The following STK33 variants were observed in gnomAD, a reference collection of about 807,000 sequenced individuals.
The protein encoded by STK33 is serine/threonine-protein kinase 33.
Under a neutral mutation model 58.0 loss-of-function variants are expected in STK33, and 52 were observed. That is an observed-to-expected ratio of 0.90 (90% CI 0.72 to 1.13). The LOEUF is 1.13. STK33 is among the 50% of genes most tolerant of loss of function. STK33 has a pLI of 0.00. For missense variants in STK33, 630 were observed against 604.2 expected (o/e 1.04, Z -0.45); for synonymous variants, 215 against 200.1 (o/e 1.07, Z -0.63).
chr11:8,555,834 T>A (rs1956710119), intron 1 of STK33, among the ~76,000 whole-genome samples: 1 of 152,096 alleles, frequency 6.6e-6, no homozygotes, highest in Non-Finnish European at 1.5e-5. Context: ...ACAATTATGA[T>A]GTCAATTAAA....
the STK33 span, among the ~76,000 whole-genome samples, chr11:8,354,364 C>T: frequency 6.6e-6 from 1 of 151,954 alleles, no homozygotes; most frequent in African/African-American, 2.4e-5. Flanking sequence ...TCCTAAGGTA[C>T]AGTCCTAAGG....
At chr11:8,536,972 A>AAGTTT (rs1565305538) in intron 1 of STK33, among the ~76,000 whole-genome samples, 1 of 65,732 alleles carries the variant, frequency 1.5e-5, no homozygotes, top group Non-Finnish European at 2.5e-5. Context: ...AAAAAAAAAG[A>AAGTTT]TTTTTTTTTT....
chr11:8,415,791 A>G (rs1394394341), intron 14 of STK33, among the ~76,000 whole-genome samples: 1 of 152,160 alleles, frequency 6.6e-6, no homozygotes, highest in Non-Finnish European at 1.5e-5. Context: ...TGCAACCAAT[A>G]TGATGTGACA....
At chr11:8,344,776 C>A in the STK33 span, among the ~76,000 whole-genome samples, 1 of 152,348 alleles carries the variant, frequency 6.6e-6, no homozygotes, top group African/African-American at 2.4e-5. Flanking sequence ...GGGCTCAAAT[C>A]CCACGGTTGG....
At chr11:8,362,893 C>T in the STK33 span, among the ~76,000 whole-genome samples, 1 of 149,916 alleles carries the variant, frequency 6.7e-6, no homozygotes, top group Non-Finnish European at 1.5e-5. Context: ...CCTCTTCCTT[C>T]CTCTCTCTCT....
the STK33 span, among the ~76,000 whole-genome samples, chr11:8,349,837 C>T: frequency 6.6e-6 from 1 of 152,262 alleles, no homozygotes; most frequent in Non-Finnish European, 1.5e-5. Context: ...AGCTTGGCTT[C>T]TTCCCCTTCT....
chr11:8,582,626 GTGGGGATTA>G (rs954387954), intron 1 of STK33, among the ~76,000 whole-genome samples: 20 of 152,196 alleles, frequency 1.3e-4, no homozygotes, highest in African/African-American at 4.6e-4. Context: ...CCCTTGATAC[GTGGGGATTA>G]TGGGGATTAT....
the STK33 span, among the ~76,000 whole-genome samples, chr11:8,350,497 A>C: frequency 6.6e-6 from 1 of 152,170 alleles, no homozygotes; most frequent in Non-Finnish European, 1.5e-5. Flanking sequence ...ACAACAGGGA[A>C]GCTCAGGGGG....
chr11:8,340,598 G>A, the STK33 span, among the ~76,000 whole-genome samples: 2 of 152,180 alleles, frequency 1.3e-5, no homozygotes, highest in African/African-American at 4.8e-5. Flanking sequence ...GTACAATGCA[G>A]GCCAGAGGTA....
chr11:8,367,965 G>T, the STK33 span, among the ~76,000 whole-genome samples: 1 of 152,118 alleles, frequency 6.6e-6, no homozygotes, highest in South Asian at 2.1e-4. Flanking sequence ...CAGAGCTCTG[G>T]CTCAGCCCTA....
intron 15 of STK33, among the ~76,000 whole-genome samples, chr11:8,399,918 G>T (rs910203579): frequency 7.2e-5 from 11 of 152,182 alleles, no homozygotes; most frequent in African/African-American, 2.7e-4. Flanking sequence ...GACTAAACCA[G>T]GAAGAAGTTG....
chr11:8,564,165 G>A (rs967682497), intron 1 of STK33, among the ~76,000 whole-genome samples: 3 of 152,204 alleles, frequency 2.0e-5, no homozygotes, highest in African/African-American at 7.2e-5. Context: ...AGGCCAGCTG[G>A]AAAGCTATCT....
chr11:8,390,955 G>A (rs1241783991), downstream of STK33, among the ~76,000 whole-genome samples: 1 of 152,130 alleles, frequency 6.6e-6, no homozygotes, highest in African/African-American at 2.4e-5. Flanking sequence ...CCAGGGAATA[G>A]GCAGAATCAA....
chr11:8,389,979 C>G (rs1314164958), downstream of STK33, among the ~76,000 whole-genome samples: 1 of 152,192 alleles, frequency 6.6e-6, no homozygotes, highest in Non-Finnish European at 1.5e-5. Flanking sequence ...ACCAAATATT[C>G]TATGAGCAGT....
chr11:8,429,580 G>A lies in STK33; in HGVS notation c.1146+5914C>T, dbSNP rs534506556. Reference sequence around the variant, plus strand: ...ACTCACTGCCCTAGTTTCAGTCTTCGTTATCTTACCCCAGTCCTACTTCAG... The same window carrying A: ...ACTCACTGCCCTAGTTTCAGTCTTCATTATCTTACCCCAGTCCTACTTCAG... On this transcript the variant is annotated intron_variant, in intron 14 of 15. Transcript: ENST00000687296. Among the ~76,000 whole-genome samples, 31 of 151,794 alleles carry A rather than the reference G, an allele frequency of 2.0e-4. No individual in the cohort carries two copies. In the South Asian group the frequency reaches 2.5e-3, roughly 12 times the overall value.
At chr11:8,580,858 A>T (rs2030046842) in intron 1 of STK33, 2 of 152,166 alleles carry the variant, frequency 1.3e-5, no homozygotes, top group Non-Finnish European at 2.9e-5. Flanking sequence ...TCTGAATTCC[A>T]GCTACTACCA....
intron 15 of STK33, among the ~76,000 whole-genome samples, chr11:8,410,599 A>C (rs1940075510): frequency 6.6e-6 from 1 of 151,012 alleles, no homozygotes; most frequent in Admixed American, 6.6e-5. Context: ...CAGCCTCCCA[A>C]GTAGTTGGGA....
the STK33 span, among the ~76,000 whole-genome samples, chr11:8,384,286 G>C: frequency 1.3e-5 from 2 of 152,220 alleles, no homozygotes; most frequent in Non-Finnish European, 2.9e-5. Flanking sequence ...CAGAAGACAA[G>C]AGTGTGAGCC....
intron 6 of STK33, chr11:8,465,420 T>C (rs1948060517): frequency 6.6e-6 from 1 of 152,064 alleles, no homozygotes; most frequent in South Asian, 2.1e-4. Context: ...AAAACCATCA[T>C]CCAAACCAAG....
Sources: gnomAD v4.1 joint callset for allele counts (sites outside exome capture counted in the v4.1 genomes callset) on GRCh38, gnomAD v4.1.1 for gene constraint, MANE v1.5 for transcripts, NCBI Gene and HGNC (gene_info 2026-07-23, HGNC 2026-07-21) for gene names.